The following PAK3 variants were observed in gnomAD, a reference collection of about 807,000 sequenced individuals.
The protein encoded by PAK3 is serine/threonine-protein kinase PAK 3.
Under a neutral mutation model 41.0 loss-of-function variants are expected in PAK3, and 4 were observed. The observed-to-expected ratio is 0.10, with a 90% CI of 0.05 to 0.22. The LOEUF (loss-of-function observed/expected upper bound fraction) is 0.22. PAK3 is among the 10% of genes least tolerant of loss of function. The pLI, the probability that PAK3 is intolerant of heterozygous loss-of-function variation, is 1.00. For missense variants in PAK3, 205 were observed against 409.9 expected (o/e 0.50, Z 4.32); for synonymous variants, 146 against 139.6 (o/e 1.05, Z -0.32).
intron 1 of PAK3, among the ~76,000 whole-genome samples, chrX:110,947,894 C>A (rs1270965315): frequency 1.8e-5 from 2 of 111,939 alleles, no homozygotes; most frequent in East Asian, 2.8e-4. Context: ...TGATAATAAT[C>A]ATCACTCTCA....
intron 1 of PAK3, among the ~76,000 whole-genome samples, chrX:111,046,637 C>T (rs779776221): frequency 7.2e-5 from 8 of 111,765 alleles, no homozygotes; most frequent in Non-Finnish European, 1.3e-4. Context: ...GGACAAGTCA[C>T]TTAACCTCTA....
chrX:111,160,132 A>G, intron 8 of PAK3, among the ~76,000 whole-genome samples: 2 of 112,078 alleles, frequency 1.8e-5, no homozygotes, highest in Middle Eastern at 4.6e-3. Flanking sequence ...ACCCAGTGGC[A>G]TAAACAAAAA....
chrX:111,006,851 T>TTCTTTC (rs1204073502), intron 1 of PAK3, among the ~76,000 whole-genome samples: 9 of 92,377 alleles, frequency 9.7e-5, no homozygotes, highest in African/African-American at 1.9e-4. Context: ...CTTTCTTTCT[T>TTCTTTC]TTTTTTTTTT....
intron 1 of PAK3, among the ~76,000 whole-genome samples, chrX:110,997,777 G>T (rs1282871489): frequency 9.0e-6 from 1 of 111,300 alleles, no homozygotes; most frequent in Non-Finnish European, 1.9e-5. Flanking sequence ...GTATTAGGAG[G>T]TGAGAGCTTT....
intron 8 of PAK3, among the ~76,000 whole-genome samples, chrX:111,155,330 G>A (rs937474130): frequency 9.1e-6 from 1 of 109,690 alleles, no homozygotes; most frequent in African/African-American, 3.3e-5. Context: ...GTGAAACCCT[G>A]TCTCTACAAA....
At chrX:111,207,098 G>GTGTA (rs760955956) in intron 16 of PAK3, among the ~76,000 whole-genome samples, 5 of 103,096 alleles carry the variant, frequency 4.8e-5, no homozygotes, top group African/African-American at 1.8e-4. Flanking sequence ...GTGTGTGTGT[G>GTGTA]TATATATATA....
intron 1 of PAK3, among the ~76,000 whole-genome samples, chrX:111,032,102 T>G (rs1476163231): frequency 1.8e-5 from 2 of 112,172 alleles, no homozygotes; most frequent in African/African-American, 6.5e-5. Context: ...TTTATACATT[T>G]AAAGACACTG....
upstream of PAK3, among the ~76,000 whole-genome samples, chrX:111,093,762 G>T (rs1192703711): frequency 8.9e-6 from 1 of 111,763 alleles, no homozygotes; most frequent in African/African-American, 3.3e-5. Flanking sequence ...ATACACCCAT[G>T]AAATGTTTAA....
intron 1 of PAK3, among the ~76,000 whole-genome samples, chrX:110,988,911 T>C (rs918394648): frequency 8.9e-6 from 1 of 112,377 alleles, no homozygotes; most frequent in South Asian, 3.7e-4. Flanking sequence ...TTTGTATAAG[T>C]GTGCCAAGCT....
intron 10 of PAK3, 64 bp from the exon 11 acceptor site, chrX:111,172,954 T>C (rs1405137164): frequency 1.7e-6 from 1 of 584,177 alleles, no homozygotes; most frequent in Admixed American, 2.5e-5. Flanking sequence ...CAATTTCTAT[T>C]TCTCTCTCTC....
chrX:110,990,643 TA>T (rs374554182), intron 1 of PAK3, among the ~76,000 whole-genome samples: 1,194 of 98,444 alleles, frequency 0.012, 5 homozygotes, highest in African/African-American at 0.029. Flanking sequence ...TGGCAGGAGT[TA>T]AAAAAAAAAA....
intron 1 of PAK3, among the ~76,000 whole-genome samples, chrX:110,984,773 C>A (rs1042996928): frequency 7.2e-5 from 8 of 110,695 alleles, no homozygotes; most frequent in Non-Finnish European, 1.5e-4. Flanking sequence ...GCCTTACGCC[C>A]CCCCGCCCCC....
chrX:111,143,658 G>A (rs946431814), intron 6 of PAK3, among the ~76,000 whole-genome samples: 18 of 110,809 alleles, frequency 1.6e-4, no homozygotes, highest in African/African-American at 5.6e-4. Context: ...AGAAAAAAAC[G>A]TAATTTGTAT....
At chrX:111,216,357 G>C (rs112477053) in intron 16 of PAK3, 64 bp from the exon 17 acceptor site, 2 of 849,205 alleles carry the variant, frequency 2.4e-6, no homozygotes, top group Non-Finnish European at 3.5e-6. Flanking sequence ...GATTTTTGCC[G>C]TCTGTGCCAA....
At chrX:111,193,745 CAAAAACA>C (rs201306607) in intron 13 of PAK3, among the ~76,000 whole-genome samples, 3,291 of 103,383 alleles carry the variant, frequency 0.032, 56 homozygotes, top group African/African-American at 0.062. Flanking sequence ...TGTAATTTTG[CAAAAACA>C]AAAAACAAAA....
chrX:111,011,373 A>C (rs2092008456), intron 1 of PAK3, among the ~76,000 whole-genome samples: 1 of 111,871 alleles, frequency 8.9e-6, no homozygotes, highest in African/African-American at 3.3e-5. Flanking sequence ...AGGTGTAGGA[A>C]GATGAAGCCT....
Position 111,216,566 on chromosome X carries a change from T to G in PAK3, c.1545+8T>G. The G allele has an allele frequency of 8.5e-7, 1 of 1,177,984 alleles. No individual in the cohort carries two copies. The highest frequency in any genetic ancestry group is 1.2e-6 in the Non-Finnish European group (1 of 865,097). On this transcript the variant is annotated splice_region_variant and intron_variant, in intron 17 of 17. Transcript: ENST00000372007. ...GCCAAGGAGCTTTTGCAGGTGAAAA[T>G]AAAATAGGACAATTACAAAGAGAGG...
At chrX:111,122,260 A>G (rs1444499736) in intron 4 of PAK3, among the ~76,000 whole-genome samples, 96 of 104,146 alleles carry the variant, frequency 9.2e-4, no homozygotes, top group South Asian at 4.9e-3. Flanking sequence ...CATCTGAAAA[A>G]AAAAAAAAAA....
chrX:111,185,113 C>A (rs1368022474), intron 11 of PAK3, among the ~76,000 whole-genome samples: 1 of 112,031 alleles, frequency 8.9e-6, no homozygotes, highest in African/African-American at 3.2e-5. Context: ...GAGATGGTAT[C>A]TCATTGTGAT....
Sources: gnomAD v4.1 joint callset for allele counts (sites outside exome capture counted in the v4.1 genomes callset) on GRCh38, gnomAD v4.1.1 for gene constraint, MANE v1.5 for transcripts, NCBI Gene and HGNC (gene_info 2026-07-23, HGNC 2026-07-21) for gene names.